Variants in ADAMTS19 observed in about 807,000 individuals in gnomAD.
ADAMTS19 encodes the protein ADAM metallopeptidase with thrombospondin type 1 motif 19.
ADAMTS19 carries 93 observed loss-of-function variants against 153.3 expected under a neutral mutation model. The observed-to-expected ratio is 0.61, with a 90% CI of 0.51 to 0.72. The LOEUF (loss-of-function observed/expected upper bound fraction) is 0.72, where lower values mean the gene tolerates loss of function less well. Among genes scored for constraint, ADAMTS19 ranks in the 30% least tolerant of loss-of-function variants. The pLI, the probability that ADAMTS19 is intolerant of heterozygous loss-of-function variation, is 0.00. For missense variants in ADAMTS19, 1,482 were observed against 1,552.1 expected (o/e 0.95, Z 0.76); for synonymous variants, 600 against 556.6 (o/e 1.08, Z -1.10).
At chr5:129,509,055 C>A (rs775800446) in intron 2 of ADAMTS19, 22 bp from the exon 3 acceptor site, 2 of 1,517,422 alleles carry the variant, frequency 1.3e-6, no homozygotes, top group Non-Finnish European at 8.9e-7. Context: ...TCTTACATAT[C>A]TTTTTGTGTT....
Position 129,684,225 on chromosome 5 carries a change from A to C in ADAMTS19, c.2770A>C (p.Met924Leu). 2 of 1,614,208 alleles carry C rather than the reference A, an allele frequency of 1.2e-6. No homozygotes were observed. The highest frequency in any genetic ancestry group is 1.7e-6 in the Non-Finnish European group (2 of 1,180,038). ...CTCTAAAGCACCTGAGCCCCTCTTC[A>C]TGTGGACACACACAAGCTGGGAAGA... ...QSSKAPEPLF[M>L]WTHTSWEDCD... is the part of the protein sequence containing the mutation. Residue 924 changes from methionine to leucine, a missense_variant, in exon 18 of 23, where the codon ATG (methionine) becomes CTG (leucine). By Grantham distance (15) the Met-to-Leu change is conservative. Coordinates refer to ENST00000274487, the MANE Select transcript of ADAMTS19 (RefSeq NM_133638.6).
Position 129,641,730 on chromosome 5 carries a change from T to C in ADAMTS19, c.1771-129T>C, listed in dbSNP as rs914086502. On this transcript the variant is annotated intron_variant, in intron 10 of 22. Transcript: ENST00000274487. ...TTCAATTACAGATTTAATATTTTAATTACCTAAAGCATATTTTTCTTCAAA... is the reference window on the plus strand; with the variant it reads ...TTCAATTACAGATTTAATATTTTAACTACCTAAAGCATATTTTTCTTCAAA... 4 of 485,794 alleles carry C rather than the reference T, an allele frequency of 8.2e-6. No individual in the cohort carries two copies. In the East Asian group the frequency reaches 1.3e-4, roughly 15 times the overall value. The allele number at this position is 485,794 out of a possible 1,614,324, so 30.1% of individuals were successfully genotyped here.
At chr5:129,700,701 T>C (rs1362398868) in intron 19 of ADAMTS19, among the ~76,000 whole-genome samples, 2 of 152,102 alleles carry the variant, frequency 1.3e-5, no homozygotes, top group Non-Finnish European at 2.9e-5. Flanking sequence ...TAAGAATAAC[T>C]CCTGGATATT....
Position 129,461,451 on chromosome 5 carries a change from GCCGCCGCCTCCC to G in ADAMTS19, c.446_457del (p.Pro149_Pro152del), listed in dbSNP as rs932762577. The G allele has an allele frequency of 1.5e-5, 22 of 1,442,758 alleles. No homozygotes were observed. In the African/African-American group the frequency reaches 3.0e-4, roughly 20 times the overall value. The allele number at this position is 1,442,758 out of a possible 1,614,324, so 89.4% of individuals were successfully genotyped here. A position where few individuals can be genotyped will look rare whatever the true frequency, so the allele number is the denominator to read the frequency against. ...CCCCGGGCGCCCCGGCCTCGTGGCA[GCCGCCGCCTCCC>G]CCGCAGCCGCCCCCGTCCCCGCCCC... is the stretch of plus-strand genomic sequence containing the variant. On this transcript the variant is annotated inframe_deletion, in exon 2 of 23. Transcript: ENST00000274487. The surrounding 1 kb of genome is among the most constrained non-coding windows in gnomAD (Gnocchi z 4.6).
chr5:129,658,379 A>AG (rs1324387573), intron 14 of ADAMTS19, among the ~76,000 whole-genome samples: 29 of 135,900 alleles, frequency 2.1e-4, no homozygotes, highest in African/African-American at 8.8e-4. Flanking sequence ...GAGAGAGAGG[A>AG]AGGAAGGAAG....
intron 16 of ADAMTS19, among the ~76,000 whole-genome samples, chr5:129,678,095 G>A (rs754616747): frequency 7.9e-5 from 12 of 152,068 alleles, no homozygotes; most frequent in South Asian, 2.1e-4. Context: ...TTACAGGTGT[G>A]AGCCACCACA....
intron 2 of ADAMTS19, among the ~76,000 whole-genome samples, chr5:129,463,805 A>C (rs1749768831): frequency 6.6e-6 from 1 of 152,188 alleles, no homozygotes; most frequent in African/African-American, 2.4e-5. Context: ...GAATGATGGG[A>C]TTAAAATTCT....
At chr5:129,643,382 A>AAAAAAAAAAAAAAAAAG (rs1554101887) in intron 11 of ADAMTS19, among the ~76,000 whole-genome samples, 12 of 142,716 alleles carry the variant, frequency 8.4e-5, no homozygotes, top group East Asian at 4.2e-4. Flanking sequence ...AAAAAAAAAA[A>AAAAAAAAAAAAAAAAAG]AAAAGAAAAA....
chr5:129,692,872 C>T (rs538966285), intron 18 of ADAMTS19, among the ~76,000 whole-genome samples: 65 of 152,284 alleles, frequency 4.3e-4, no homozygotes, highest in African/African-American at 1.5e-3. Context: ...AGGAGGCACA[C>T]CTCATTCCAC....
At chr5:129,510,024 T>C (rs1310019231) in intron 3 of ADAMTS19, among the ~76,000 whole-genome samples, 6 of 151,906 alleles carry the variant, frequency 3.9e-5, no homozygotes, top group Non-Finnish European at 1.5e-5. Flanking sequence ...TTTTTAGACA[T>C]GGAATCCAGA....
At chr5:129,725,463 T>C (rs1044941660) in intron 21 of ADAMTS19, among the ~76,000 whole-genome samples, 1 of 152,004 alleles carries the variant, frequency 6.6e-6, no homozygotes, top group African/African-American at 2.4e-5. Flanking sequence ...CTAATATTCC[T>C]AGGAGGTCAT....
At chr5:129,617,222 C>A (rs1751570955) in intron 8 of ADAMTS19, among the ~76,000 whole-genome samples, 1 of 151,974 alleles carries the variant, frequency 6.6e-6, no homozygotes. Context: ...TAATGATAAT[C>A]TTTTCTGTTA....
At chr5:129,509,465 A>C (rs1751365451) in intron 3 of ADAMTS19, among the ~76,000 whole-genome samples, 1 of 152,020 alleles carries the variant, frequency 6.6e-6, no homozygotes, top group Admixed American at 6.6e-5. Context: ...AGAGATGAAC[A>C]TATAATATAT....
intron 21 of ADAMTS19, among the ~76,000 whole-genome samples, chr5:129,728,567 A>G (rs1757306884): frequency 1.3e-5 from 2 of 152,126 alleles, no homozygotes; most frequent in South Asian, 2.1e-4. Context: ...GGTCTGGATC[A>G]GAGGCCCTTT....
chr5:129,579,990 G>A (rs1749429412), intron 7 of ADAMTS19, among the ~76,000 whole-genome samples: 1 of 152,174 alleles, frequency 6.6e-6, no homozygotes, highest in South Asian at 2.1e-4. Context: ...ATGGTAGCTT[G>A]ATGGGGATAG....
chr5:129,660,697 G>C (rs1056773483), intron 15 of ADAMTS19, among the ~76,000 whole-genome samples: 8 of 151,984 alleles, frequency 5.3e-5, no homozygotes, highest in African/African-American at 1.7e-4. Flanking sequence ...TTTGTTCACT[G>C]TAGGTAAGTT....
intron 2 of ADAMTS19, among the ~76,000 whole-genome samples, chr5:129,493,913 A>G (rs1012630371): frequency 2.0e-5 from 3 of 151,970 alleles, no homozygotes; most frequent in Non-Finnish European, 4.4e-5. Context: ...TATTACTCAC[A>G]TATTGTCTAT....
chr5:129,690,899 ATAATT>A (rs1561651626), intron 18 of ADAMTS19, among the ~76,000 whole-genome samples: 3 of 152,118 alleles, frequency 2.0e-5, no homozygotes, highest in African/African-American at 4.8e-5. Context: ...ACAGAGTTCT[ATAATT>A]TAATTTAAAA....
chr5:129,677,024 T>C (rs1317510515), intron 16 of ADAMTS19, among the ~76,000 whole-genome samples: 1 of 152,194 alleles, frequency 6.6e-6, no homozygotes, highest in African/African-American at 2.4e-5. Context: ...AGTACATATC[T>C]AGGCCAAAAA....
Sources: allele counts gnomAD v4.1 joint callset (sites outside exome capture counted in the v4.1 genomes callset), GRCh38; gene constraint gnomAD v4.1.1; non-coding constraint Gnocchi (gnomAD v3.1); transcripts MANE v1.5; gene names NCBI Gene and HGNC (gene_info 2026-07-23, HGNC 2026-07-21).